The following THSD7B variants were observed in gnomAD, a reference collection of about 807,000 sequenced individuals.
THSD7B encodes thrombospondin type 1 domain containing 7B, also known as thrombospondin type-1 domain-containing protein 7B.
Under a neutral mutation model 213.6 loss-of-function variants are expected in THSD7B, and 138 were observed. That is an observed-to-expected ratio of 0.65 (90% confidence interval 0.56 to 0.74). THSD7B has a LOEUF of 0.74. Ranked by LOEUF, THSD7B falls within the 30% of genes least tolerant of loss-of-function variation. THSD7B has a pLI of 0.00. For missense variants in THSD7B, 1,931 were observed against 1,991.5 expected (o/e 0.97, Z 0.58); for synonymous variants, 742 against 687.0 (o/e 1.08, Z -1.25).
At chr2:136,989,029 G>T (rs1457571975) in intron 2 of THSD7B, among the ~76,000 whole-genome samples, 2 of 152,196 alleles carry the variant, frequency 1.3e-5, no homozygotes, top group African/African-American at 2.4e-5. Flanking sequence ...GGGTATTGGG[G>T]TAAGGATGGT....
Position 137,094,955 on chromosome 2 carries a change from T to C in THSD7B, c.1033T>C (p.Trp345Arg), listed in dbSNP as rs1432855212. Residue 345 changes from tryptophan to arginine, a missense_variant, in exon 4 of 28, where the codon TGG (tryptophan) becomes CGG (arginine). Transcript: ENST00000409968. ...CTGTGAAACCTCCCAGTGGTCCTCC[T>C]GGAGCCCCTGCTCCAAGACATGCCG... ...KDCETSQWSS[W>R]SPCSKTCRSG... The C allele has an allele frequency of 4.3e-6, 7 of 1,613,898 alleles. No individual in the cohort carries two copies. The highest frequency in any genetic ancestry group is 5.9e-6 in the Non-Finnish European group (7 of 1,179,848).
At chr2:137,364,668 G>C (rs896892625) in intron 12 of THSD7B, among the ~76,000 whole-genome samples, 3 of 152,032 alleles carry the variant, frequency 2.0e-5, no homozygotes, top group African/African-American at 4.8e-5. Context: ...AAATCCCTAG[G>C]AATTCAACTT....
At chr2:137,137,739 G>A (rs1364091604) in intron 5 of THSD7B, among the ~76,000 whole-genome samples, 1 of 152,056 alleles carries the variant, frequency 6.6e-6, no homozygotes, top group Non-Finnish European at 1.5e-5. Context: ...ATGACTTTTT[G>A]TGGGTTTTTT....
intron 14 of THSD7B, 141 bp downstream of exon 14, chr2:137,412,013 A>G (rs935205202): frequency 1.2e-5 from 12 of 970,692 alleles, no homozygotes; most frequent in East Asian, 7.9e-5. Context: ...CTCTCATAAA[A>G]TATGGACAGA....
intron 2 of THSD7B, among the ~76,000 whole-genome samples, chr2:136,898,128 C>T (rs1683996005): frequency 6.6e-6 from 1 of 152,226 alleles, no homozygotes; most frequent in Admixed American, 6.5e-5. Context: ...TCCACTCAAC[C>T]CAGGAAATCT....
intron 24 of THSD7B, among the ~76,000 whole-genome samples, chr2:137,658,962 T>C (rs1219842039): frequency 6.6e-6 from 1 of 152,240 alleles, no homozygotes; most frequent in East Asian, 1.9e-4. Flanking sequence ...TTTTACTATC[T>C]TGAATTTAGC....
chr2:137,193,082 G>A (rs1302460550), intron 7 of THSD7B, among the ~76,000 whole-genome samples: 6 of 152,000 alleles, frequency 3.9e-5, no homozygotes, highest in South Asian at 2.1e-4. Flanking sequence ...TTCACTCACC[G>A]CTCCACCCCT....
intron 15 of THSD7B, among the ~76,000 whole-genome samples, chr2:137,505,715 C>T (rs1679818392): frequency 6.6e-6 from 1 of 152,192 alleles, no homozygotes; most frequent in African/African-American, 2.4e-5. Flanking sequence ...GAGAAGGTGA[C>T]TGCCATTGAA....
At position 137,566,192 on chromosome 2, in the gene THSD7B, A is replaced by G. The variant is rs148464564; in HGVS notation, c.3272+2838A>G. ...AAATACTTGTGAATATTTGCCTTCT[A>G]TGTATCAGATATTGTCCTAAGCACA... On this transcript the variant is annotated intron_variant, in intron 16 of 27. Transcript: ENST00000409968. 6.5e-3 allele frequency among the ~76,000 whole-genome samples: 997 copies of G among 152,306 alleles called. 6 individuals carry two copies. The highest frequency in any genetic ancestry group is 9.6e-3 in the Non-Finnish European group (655 of 68,024).
At chr2:137,651,206 G>GT (rs550548410) in intron 21 of THSD7B, among the ~76,000 whole-genome samples, 27 of 151,574 alleles carry the variant, frequency 1.8e-4, no homozygotes, top group Non-Finnish European at 3.5e-4. Context: ...CAGAGTCTGG[G>GT]TTTTTTTTCA....
intron 15 of THSD7B, among the ~76,000 whole-genome samples, chr2:137,499,111 G>T (rs754286365): frequency 3.3e-5 from 5 of 152,186 alleles, no homozygotes; most frequent in Non-Finnish European, 7.3e-5. Context: ...TGTGCCTCTT[G>T]CAGGAGAAGG....
chr2:137,297,350 C>CTT (rs528905312), intron 12 of THSD7B, among the ~76,000 whole-genome samples: 5 of 144,212 alleles, frequency 3.5e-5, no homozygotes. Context: ...CTTCCTTCCT[C>CTT]TTTTTTTTTT....
intron 15 of THSD7B, among the ~76,000 whole-genome samples, chr2:137,453,333 T>TTG (rs1188162330): frequency 7.5e-6 from 1 of 133,152 alleles, no homozygotes; most frequent in East Asian, 2.1e-4. Context: ...TTACTTTTTT[T>TTG]TTTTTTTTTT....
intron 15 of THSD7B, among the ~76,000 whole-genome samples, chr2:137,560,282 C>G (rs376324994): frequency 6.6e-6 from 1 of 151,990 alleles, no homozygotes; most frequent in Non-Finnish European, 1.5e-5. Flanking sequence ...TGCAGCACTA[C>G]TCACAATAGC....
intron 19 of THSD7B, among the ~76,000 whole-genome samples, chr2:137,619,377 C>G (rs1682471116): frequency 6.6e-6 from 1 of 152,212 alleles, no homozygotes. Flanking sequence ...TGACTTTGCT[C>G]TGTTTTGTCA....
chr2:137,045,166 C>A (rs1209041357), intron 2 of THSD7B, among the ~76,000 whole-genome samples: 1 of 152,052 alleles, frequency 6.6e-6, no homozygotes, highest in Non-Finnish European at 1.5e-5. Flanking sequence ...ATCTTAATAA[C>A]CTCAACATAT....
intron 15 of THSD7B, among the ~76,000 whole-genome samples, chr2:137,546,395 T>TTA (rs1214102987): frequency 0.017 from 553 of 33,266 alleles, 92 homozygotes; most frequent in South Asian, 0.053. Context: ...ATTATATATA[T>TTA]TATATATATT....
At chr2:137,577,172 T>C (rs2105240767) in intron 17 of THSD7B, among the ~76,000 whole-genome samples, 1 of 152,274 alleles carries the variant, frequency 6.6e-6, no homozygotes, top group South Asian at 2.1e-4. Context: ...ATATTGGCCC[T>C]TGTCAGATGA....
chr2:137,358,158 C>A (rs890839011), intron 12 of THSD7B, among the ~76,000 whole-genome samples: 4 of 152,154 alleles, frequency 2.6e-5, no homozygotes, highest in African/African-American at 9.7e-5. Flanking sequence ...GCTTCTTTTG[C>A]AGGGTGGAAG....
Sources: gnomAD v4.1 joint callset for allele counts (sites outside exome capture counted in the v4.1 genomes callset) on GRCh38, gnomAD v4.1.1 for gene constraint, MANE v1.5 for transcripts, NCBI Gene and HGNC (gene_info 2026-07-23, HGNC 2026-07-21) for gene names.